The following TPPP3 variants were observed in gnomAD, a reference collection of about 807,000 sequenced individuals.
The protein encoded by TPPP3 is tubulin polymerization promoting protein family member 3.
Under a neutral mutation model 13.1 loss-of-function variants are expected in TPPP3, and 7 were observed. The ratio of observed to expected loss-of-function variants is 0.54; its 90% CI spans 0.30 to 1.01. The LOEUF is 1.01. Among genes scored for constraint, TPPP3 ranks in the 50% least tolerant of loss-of-function variants. The probability of loss-of-function intolerance (pLI) is 0.06; values close to 1 mark genes in which losing one functional copy is unlikely to be tolerated. For missense variants in TPPP3, 185 were observed against 235.0 expected, an observed-to-expected ratio of 0.79 and a Z score of 1.39; for synonymous variants, 87 against 93.7, an observed-to-expected ratio of 0.93 and a Z score of 0.41.
Position 67,390,492 on chromosome 16 carries a change from T to C in TPPP3, c.329A>G (p.Asn110Ser), listed in dbSNP as rs2040313447. ...CAGGGCACTTACAGTGACGCCCACA[T>C]TGGCTGGCTCTTTGCCTGCCACCAG... is the stretch of plus-strand genomic sequence containing the variant. ...CQLVAGKEPANVGVTKAKTGG... is the reference protein window; with the variant it reads ...CQLVAGKEPASVGVTKAKTGG... Residue 110 changes from asparagine (N) to serine (S), a missense_variant, in exon 3 of 4, where the codon AAT (asparagine) becomes AGT (serine). Physicochemically the swap from Asn to Ser is conservative, Grantham distance 46 (BLOSUM62 1). Transcript: ENST00000393957. This position sits in a 1 kb window ranked among gnomAD's most constrained non-coding sequence, Gnocchi z 6.4. 1 of 1,611,028 alleles carries C rather than the reference T, an allele frequency of 6.2e-7. No homozygotes were observed. Among genetic ancestry groups the C allele is most frequent in the Non-Finnish European group, 8.5e-7 (1 of 1,178,258 alleles).
At position 67,391,133 on chromosome 16, in the gene TPPP3, TG is replaced by T. The variant is rs1262993425; in HGVS notation, c.-6-17del. On this transcript the variant is annotated splice_polypyrimidine_tract_variant and intron_variant, in intron 1 of 3. Transcript: ENST00000393957. This position sits in a 1 kb window ranked among gnomAD's most constrained non-coding sequence, Gnocchi z 6.3. ...CCATGCCACCCTATAGAGACCCACC[TG>T]GGTCATCTCCCAGCCAATCTGCCCT... 6.2e-7 allele frequency: 1 copy of T among 1,611,342 alleles called. No individual in the cohort carries two copies. The highest frequency in any genetic ancestry group is 1.1e-5 in the South Asian group (1 of 90,884).
Position 67,390,236 on chromosome 16 carries a change from C to T in TPPP3, c.469G>A (p.Asp157Asn), listed in dbSNP as rs1478822322. The T allele has an allele frequency of 5.6e-6, 9 of 1,614,242 alleles. No homozygotes were observed. Among genetic ancestry groups the T allele is most frequent in the South Asian group, 2.2e-5 (2 of 91,086 alleles). ...GIAGRQDILD[D>N]SGYVSAYKNA... Reference sequence around the variant, plus strand: ...TTGTAGGCGCTCACGTAGCCACTGTCGTCCAGGATGTCCTGCCGTCCCGCA... The same window carrying T: ...TTGTAGGCGCTCACGTAGCCACTGTTGTCCAGGATGTCCTGCCGTCCCGCA... The change falls in exon 4 of 4, where the codon GAC becomes AAC. Residue 157 changes from aspartate to asparagine, a missense_variant. By Grantham distance (23) the Asp-to-Asn change is conservative (BLOSUM62 1). Transcript: ENST00000393957. This position sits in a 1 kb window ranked among gnomAD's most constrained non-coding sequence, Gnocchi z 6.4.
rs2040305074 is a variant in TPPP3 at position 67,390,026 on chromosome 16, G to A, written c.*148C>T. ...GAGCAGCCTGGGTCAGAGGCCTGGT[G>A]GGCCAGCCCAGTGGGACTAGGCAGG... On this transcript the variant is annotated 3_prime_UTR_variant, in exon 4 of 4. Transcript: ENST00000393957. The surrounding 1 kb of genome is among the most constrained non-coding windows in gnomAD (Gnocchi z 6.4). 1 of 813,114 alleles carries A rather than the reference G, an allele frequency of 1.2e-6. No homozygotes were observed. Among genetic ancestry groups the A allele is most frequent in the Non-Finnish European group, 1.9e-6 (1 of 528,998 alleles). The allele number at this position is 813,114 out of a possible 1,614,324, so 50.4% of individuals were successfully genotyped here. A position where few individuals can be genotyped will look rare whatever the true frequency, so the allele number is the denominator to read the frequency against.
Position 67,390,120 on chromosome 16 carries a change from G to A in TPPP3, c.*54C>T. 1 of 1,578,752 alleles carries A rather than the reference G, an allele frequency of 6.3e-7. No individual in the cohort carries two copies. The highest frequency in any genetic ancestry group is 8.7e-7 in the Non-Finnish European group (1 of 1,155,780). Reference sequence around the variant, plus strand: ...TTGCTCCACGTGCCCCTTAGACCCAGGCCTGAGCCTCTGGCAGGGGCAGCC... The same window carrying A: ...TTGCTCCACGTGCCCCTTAGACCCAAGCCTGAGCCTCTGGCAGGGGCAGCC... On this transcript the variant is annotated 3_prime_UTR_variant, in exon 4 of 4. Coordinates refer to ENST00000393957, the MANE Select transcript of TPPP3 (RefSeq NM_015964.4). This position sits in a 1 kb window ranked among gnomAD's most constrained non-coding sequence, Gnocchi z 6.4.
At position 67,392,641 on chromosome 16, in the gene TPPP3, A is replaced by C. The variant is rs1205452395; in HGVS notation, c.-7+739T>G. On this transcript the variant is annotated intron_variant, in intron 1 of 3. Coordinates refer to ENST00000393957, the MANE Select transcript of TPPP3 (RefSeq NM_015964.4). The surrounding 1 kb of genome is among the most constrained non-coding windows in gnomAD (Gnocchi z 4.9). ...CTATGCGGAGATCCCCTGCGTAGAG[A>C]CCTCCCCACCACATCCCCCTCCTCC... Among the ~76,000 whole-genome samples, 1 of 150,870 alleles carries C rather than the reference A, an allele frequency of 6.6e-6. No homozygotes were observed. Among genetic ancestry groups the C allele is most frequent in the Non-Finnish European group, 1.5e-5 (1 of 67,674 alleles).
Position 67,390,467 on chromosome 16 carries a change from C to A in TPPP3, c.342+12G>T. 2 of 1,613,184 alleles carry A rather than the reference C, an allele frequency of 1.2e-6. No individual in the cohort carries two copies. The highest frequency in any genetic ancestry group is 1.7e-6 in the Non-Finnish European group (2 of 1,179,534). On this transcript the variant is annotated intron_variant, in intron 3 of 3. Coordinates refer to ENST00000393957, the MANE Select transcript of TPPP3 (RefSeq NM_015964.4). This position sits in a 1 kb window ranked among gnomAD's most constrained non-coding sequence, Gnocchi z 6.4. ...CCATTCCGTGGCCACCCGAGACCAG[C>A]AGGGCACTTACAGTGACGCCCACAT...
chr16:67,390,875 G>C lies in TPPP3; in HGVS notation c.188+49C>G. On this transcript the variant is annotated intron_variant, in intron 2 of 3. Transcript: ENST00000393957. This position sits in a 1 kb window ranked among gnomAD's most constrained non-coding sequence, Gnocchi z 6.4. ...TGTCCTCCCTGGTTCCAGCCCCCCA[G>C]TTCCCCACCTCCTGGGAACATGAGA... 1 of 1,583,892 alleles carries C rather than the reference G, an allele frequency of 6.3e-7. No individual in the cohort carries two copies.
At position 67,390,015 on chromosome 16, in the gene TPPP3, A is replaced by G; in HGVS notation, c.*159T>C. 1.4e-6 allele frequency: 1 copy of G among 716,308 alleles called. No homozygotes were observed. The highest frequency in any genetic ancestry group is 2.3e-6 in the Non-Finnish European group (1 of 441,620). The allele number at this position is 716,308 out of a possible 1,614,324, so 44.4% of individuals were successfully genotyped here. A position where few individuals can be genotyped will look rare whatever the true frequency, so the allele number is the denominator to read the frequency against. ...AAGGGGCCGCAGAGCAGCCTGGGTC[A>G]GAGGCCTGGTGGGCCAGCCCAGTGG... is the stretch of plus-strand genomic sequence containing the variant. On this transcript the variant is annotated 3_prime_UTR_variant, in exon 4 of 4. Coordinates refer to ENST00000393957, the MANE Select transcript of TPPP3 (RefSeq NM_015964.4). The surrounding 1 kb of genome is among the most constrained non-coding windows in gnomAD (Gnocchi z 6.4).
chr16:67,390,765 C>A lies in TPPP3; in HGVS notation c.189-133G>T. The A allele has an allele frequency of 6.9e-7, 1 of 1,448,306 alleles. No homozygotes were observed. The highest frequency in any genetic ancestry group is 1.4e-5 in the South Asian group (1 of 73,346). 89.7% of individuals were successfully genotyped at this position (1,448,306 alleles called of 1,614,324 possible). On this transcript the variant is annotated intron_variant, in intron 2 of 3. Transcript: ENST00000393957. The surrounding 1 kb of genome is among the most constrained non-coding windows in gnomAD (Gnocchi z 6.4). ...CCACGTTTGGGGAAGTCGCAGGGGT[C>A]AGCAACTCTGGAGGGCAATAGATAT...
rs767746166 is a variant in TPPP3, at chr16:67,390,676, C to A, written c.189-44G>T. 3 of 1,575,854 alleles carry A rather than the reference C, an allele frequency of 1.9e-6. No homozygotes were observed. In the South Asian group the frequency reaches 3.5e-5, roughly 18 times the overall value. On this transcript the variant is annotated intron_variant, in intron 2 of 3. Transcript: ENST00000393957. This position sits in a 1 kb window ranked among gnomAD's most constrained non-coding sequence, Gnocchi z 6.4. ...CCATGAGGGTTCCCCTTTCTTTTTT[C>A]TCCCCCAGGGGAAAGCTCAAACACA...
Position 67,390,722 on chromosome 16 carries a change from T to C in TPPP3, c.189-90A>G. On this transcript the variant is annotated intron_variant, in intron 2 of 3. Transcript: ENST00000393957. This position sits in a 1 kb window ranked among gnomAD's most constrained non-coding sequence, Gnocchi z 6.4. ...ACACATTTGCTGCCACCACAAATTA[T>C]GCAATTGCGTTTCTTTCCCACGTTT... The C allele has an allele frequency of 2.0e-6, 3 of 1,525,006 alleles. No homozygotes were observed. The highest frequency in any genetic ancestry group is 2.8e-5 in the African/African-American group (2 of 72,394). The allele number at this position is 1,525,006 out of a possible 1,614,324, so 94.5% of individuals were successfully genotyped here. A position where few individuals can be genotyped will look rare whatever the true frequency, so the allele number is the denominator to read the frequency against.
Position 67,390,964 on chromosome 16 carries a change from C to T in TPPP3, c.148G>A (p.Val50Met), listed in dbSNP as rs1269466087. Reference protein sequence around the residue: ...KDCKVADGKSVTGTDVDIVFS... With the variant: ...KDCKVADGKSMTGTDVDIVFS... ...ACGATGTCCACATCGGTCCCTGTCA[C>T]GGACTTTCCGTCAGCCACCTTGCAG... Residue 50 changes from valine to methionine, a missense_variant, in exon 2 of 4, where the codon GTG becomes ATG. Val to Met is a conservative substitution (Grantham distance 21, BLOSUM62 1). Transcript: ENST00000393957. This position sits in a 1 kb window ranked among gnomAD's most constrained non-coding sequence, Gnocchi z 6.4. 19 of 1,614,216 alleles carry T rather than the reference C, an allele frequency of 1.2e-5. No individual in the cohort carries two copies. The highest frequency in any genetic ancestry group is 2.2e-5 in the East Asian group (1 of 44,882).
In TPPP3 at chr16:67,392,916, A is replaced by C. The variant is rs758954686; in HGVS notation, c.-7+464T>G. On this transcript the variant is annotated intron_variant, in intron 1 of 3. Coordinates refer to ENST00000393957, the MANE Select transcript of TPPP3 (RefSeq NM_015964.4). This position sits in a 1 kb window ranked among gnomAD's most constrained non-coding sequence, Gnocchi z 4.9. Reference sequence around the variant, plus strand: ...ACTCCCCTTCCCTTTCCCTGGGTGCAACCTCCCACCAGGGACCCCAAGACC... The same window carrying C: ...ACTCCCCTTCCCTTTCCCTGGGTGCCACCTCCCACCAGGGACCCCAAGACC... The C allele has an allele frequency of 4.3e-5, 42 of 969,406 alleles. No homozygotes were observed. Among genetic ancestry groups the C allele is most frequent in the Admixed American group, 6.2e-5 (1 of 16,240 alleles). 60.1% of individuals were successfully genotyped at this position (969,406 alleles called of 1,614,324 possible).
chr16:67,390,578 C>G lies in TPPP3; in HGVS notation c.243G>C (p.Glu81Asp), dbSNP rs756257735. The G allele has an allele frequency of 6.2e-7, 1 of 1,614,046 alleles. No individual in the cohort carries two copies. Among genetic ancestry groups the G allele is most frequent in the Non-Finnish European group, 8.5e-7 (1 of 1,180,028 alleles). ...NYEEFKKALE[E>D]LATKRFKGKS... ...TCCCCTTGAATCTCTTGGTCGCCAG[C>G]TCTTCCAGGGCCTTCTTGAACTCCT... Residue 81 changes from glutamate to aspartate, a missense_variant, in exon 3 of 4, where the codon GAG becomes GAC. Transcript: ENST00000393957. This position sits in a 1 kb window ranked among gnomAD's most constrained non-coding sequence, Gnocchi z 6.4.
rs16957426 is a variant in TPPP3, at chr16:67,392,837, T to C, written c.-7+543A>G. On this transcript the variant is annotated intron_variant, in intron 1 of 3. Coordinates refer to ENST00000393957, the MANE Select transcript of TPPP3 (RefSeq NM_015964.4). The surrounding 1 kb of genome is among the most constrained non-coding windows in gnomAD (Gnocchi z 4.9). ...ATCCCTAAGTGGCAGTTTCTGGGAC[T>C]GTGAGCACCGGTGGTTCCTACGTTA... The C allele has an allele frequency of 0.035, 14,868 of 418,840 alleles. 310 individuals carry two copies. The highest frequency in any genetic ancestry group is 0.056 in the African/African-American group (2,600 of 46,386). The allele number at this position is 418,840 out of a possible 1,614,324, so 25.9% of individuals were successfully genotyped here.
rs2040346734 is a variant in TPPP3 at position 67,392,908 on chromosome 16, C to T, written c.-7+472G>A. ...CACGCTGCACTCCCCTTCCCTTTCCCTGGGTGCAACCTCCCACCAGGGACC... is the reference window on the plus strand; with the variant it reads ...CACGCTGCACTCCCCTTCCCTTTCCTTGGGTGCAACCTCCCACCAGGGACC... On this transcript the variant is annotated intron_variant, in intron 1 of 3. Coordinates refer to ENST00000393957, the MANE Select transcript of TPPP3 (RefSeq NM_015964.4). The surrounding 1 kb of genome is among the most constrained non-coding windows in gnomAD (Gnocchi z 4.9). 2.1e-6 allele frequency: 2 copies of T among 950,410 alleles called. No homozygotes were observed. Among genetic ancestry groups the T allele is most frequent in the Non-Finnish European group, 2.5e-6 (2 of 798,062 alleles). 58.9% of individuals were successfully genotyped at this position (950,410 alleles called of 1,614,324 possible). A position where few individuals can be genotyped will look rare whatever the true frequency, so the allele number is the denominator to read the frequency against.
In TPPP3 at chr16:67,390,156, G is replaced by A. The variant is rs767833503; in HGVS notation, c.*18C>T. On this transcript the variant is annotated 3_prime_UTR_variant, in exon 4 of 4. Coordinates refer to ENST00000393957, the MANE Select transcript of TPPP3 (RefSeq NM_015964.4). The surrounding 1 kb of genome is among the most constrained non-coding windows in gnomAD (Gnocchi z 6.4). ...CTGGCAGGGGCAGCCGCACTTGGCAGGGCGGTCTTCCCAAGCCTCACTTCT... is the reference window on the plus strand; with the variant it reads ...CTGGCAGGGGCAGCCGCACTTGGCAAGGCGGTCTTCCCAAGCCTCACTTCT... 1.2e-6 allele frequency: 2 copies of A among 1,610,380 alleles called. No homozygotes were observed. Among genetic ancestry groups the A allele is most frequent in the Admixed American group, 3.3e-5 (2 of 59,920 alleles).
chr16:67,392,831 TG>T lies in TPPP3; in HGVS notation c.-7+548del. On this transcript the variant is annotated intron_variant, in intron 1 of 3. Transcript: ENST00000393957. The surrounding 1 kb of genome is among the most constrained non-coding windows in gnomAD (Gnocchi z 4.9). ...ACTCCCATCCCTAAGTGGCAGTTTC[TG>T]GGACTGTGAGCACCGGTGGTTCCTA... 2.6e-6 allele frequency: 1 copy of T among 387,344 alleles called. No homozygotes were observed. The highest frequency in any genetic ancestry group is 3.5e-6 in the Non-Finnish European group (1 of 282,972). The allele number at this position is 387,344 out of a possible 1,614,324, so 24.0% of individuals were successfully genotyped here. A position where few individuals can be genotyped will look rare whatever the true frequency, so the allele number is the denominator to read the frequency against.
chr16:67,393,418 A>C lies in TPPP3; in HGVS notation c.-45T>G. On this transcript the variant is annotated 5_prime_UTR_variant, in exon 1 of 4. Transcript: ENST00000393957. This position sits in a 1 kb window ranked among gnomAD's most constrained non-coding sequence, Gnocchi z 5.4. ...CTGAAGTGTGCGTTCGGAAGGACAG[A>C]ACGACGCAGGAATGGACCGATGGAC... 1.0e-6 allele frequency: 1 copy of C among 985,516 alleles called. No individual in the cohort carries two copies. The highest frequency in any genetic ancestry group is 1.2e-6 in the Non-Finnish European group (1 of 830,014). 61.0% of individuals were successfully genotyped at this position (985,516 alleles called of 1,614,324 possible). A position where few individuals can be genotyped will look rare whatever the true frequency, so the allele number is the denominator to read the frequency against.
Sources: allele counts gnomAD v4.1 joint callset (sites outside exome capture counted in the v4.1 genomes callset), GRCh38; gene constraint gnomAD v4.1.1; non-coding constraint Gnocchi (gnomAD v3.1); transcripts MANE v1.5; gene names NCBI Gene and HGNC (gene_info 2026-07-23, HGNC 2026-07-21).